Variants in SLC45A4 observed in about 807,000 individuals in gnomAD.
SLC45A4 encodes solute carrier family 45 member 4.
Under a neutral mutation model 63.7 loss-of-function variants are expected in SLC45A4, and 32 were observed. The observed-to-expected ratio is 0.50, with a 90% CI of 0.38 to 0.67. The LOEUF (loss-of-function observed/expected upper bound fraction) is 0.67. SLC45A4 is among the 30% of genes least tolerant of loss of function. The pLI, the probability that SLC45A4 is intolerant of heterozygous loss-of-function variation, is 0.00. For synonymous variants in SLC45A4, 535 were observed against 510.0 expected (o/e 1.05, Z -0.66); for missense variants, 1,027 against 1,157.7 (o/e 0.89, Z 1.64).
chr8:141,287,707 G>C (rs966822305), intron 1 of SLC45A4, among the ~76,000 whole-genome samples: 1 of 152,242 alleles, frequency 6.6e-6, no homozygotes, highest in African/African-American at 2.4e-5. Flanking sequence ...CCCCGTTCAA[G>C]AGCTGCCAAG....
intron 1 of SLC45A4, among the ~76,000 whole-genome samples, chr8:141,273,285 T>A (rs1360741993): frequency 6.6e-6 from 1 of 152,206 alleles, no homozygotes; most frequent in African/African-American, 2.4e-5. Context: ...TTCCAAATGC[T>A]CAAGCACTGA....
chr8:141,238,883 C>T (rs1314329565), intron 2 of SLC45A4, among the ~76,000 whole-genome samples: 1 of 152,170 alleles, frequency 6.6e-6, no homozygotes, highest in East Asian at 1.9e-4. Flanking sequence ...CCATGAAAGC[C>T]CAGACTGTGG....
At chr8:141,294,906 G>A (rs898681817) in intron 1 of SLC45A4, among the ~76,000 whole-genome samples, 4 of 152,228 alleles carry the variant, frequency 2.6e-5, no homozygotes, top group African/African-American at 9.6e-5. Flanking sequence ...GCACTCCCAA[G>A]TGGCAGCCTC....
chr8:141,245,872 G>A (rs181163623), intron 2 of SLC45A4, among the ~76,000 whole-genome samples: 7 of 152,304 alleles, frequency 4.6e-5, no homozygotes, highest in African/African-American at 1.7e-4. Context: ...TTAGGAAACT[G>A]CCATCAAGGG....
At chr8:141,259,652 C>G (rs1341104653) in intron 1 of SLC45A4, among the ~76,000 whole-genome samples, 1 of 152,148 alleles carries the variant, frequency 6.6e-6, no homozygotes, top group African/African-American at 2.4e-5. Context: ...CCCCATCTTG[C>G]ACAAAGGATT....
intron 2 of SLC45A4, among the ~76,000 whole-genome samples, chr8:141,238,007 GCA>G (rs1827715189): frequency 6.6e-6 from 1 of 152,220 alleles, no homozygotes; most frequent in South Asian, 2.1e-4. Context: ...AAACATCCTT[GCA>G]CAAGAAGTTT....
intron 1 of SLC45A4, among the ~76,000 whole-genome samples, chr8:141,257,547 C>T (rs1828851149): frequency 6.6e-6 from 1 of 152,244 alleles, no homozygotes; most frequent in Admixed American, 6.5e-5. Context: ...TCCTCGGAGA[C>T]TTGTGCCTGA....
At chr8:141,272,794 C>G (rs1207988147) in intron 1 of SLC45A4, among the ~76,000 whole-genome samples, 1 of 152,278 alleles carries the variant, frequency 6.6e-6, no homozygotes, top group African/African-American at 2.4e-5. Flanking sequence ...AGCTCTCCCC[C>G]TTCCCTCCAC....
chr8:141,218,964 A>C lies in SLC45A4; in HGVS notation c.676T>G (p.Trp226Gly), dbSNP rs1826399533. The C allele has an allele frequency of 6.2e-7, 1 of 1,613,478 alleles. No homozygotes were observed. Among genetic ancestry groups the C allele is most frequent in the South Asian group, 1.1e-5 (1 of 91,090 alleles). Residue 226 changes from tryptophan to glycine, a missense_variant, in exon 5 of 9, where the codon TGG becomes GGG. Physicochemically the swap from Trp to Gly is radical, Grantham distance 184. Coordinates refer to ENST00000517878, the MANE Select transcript of SLC45A4 (RefSeq NM_001286646.2). ...AGCACCTGGTTCTGGGTCCGGAACC[A>C]GCTGCCCAGGAAGGTCTGGGTCCAG... ...LDWTQTFLGS[W>G]FRTQNQVLFF... is the part of the protein sequence containing the mutation.
rs115846293 is a variant in SLC45A4 at position 141,231,602 on chromosome 8, C to T, written c.242-9837G>A. ...CACTGCGGGACCCACACCGAGTGGT[C>T]GGGTCACCTGGCCACCTGGCATCTT... On this transcript the variant is annotated intron_variant, in intron 2 of 8. Coordinates refer to ENST00000517878, the MANE Select transcript of SLC45A4 (RefSeq NM_001286646.2). 3.7e-3 allele frequency among the ~76,000 whole-genome samples: 558 copies of T among 152,292 alleles called. 6 individuals carry two copies. Among genetic ancestry groups the T allele is most frequent in the African/African-American group, 0.013 (521 of 41,580 alleles).
At chr8:141,228,290 T>C in intron 2 of SLC45A4, 1 of 1,611,058 alleles carries the variant, frequency 6.2e-7, no homozygotes, top group Non-Finnish European at 8.5e-7. Context: ...CCTGCCGCCC[T>C]GTGCCAGGCA....
In SLC45A4 at chr8:141,261,927, G is replaced by T. The variant is rs1829054292; in HGVS notation, c.-400-7298C>A. ...GCCTGCATCGCATCCTAAGCCAAAA[G>T]AACAAAGCTGGAGGCATCACGCTAC... On this transcript the variant is annotated intron_variant, in intron 1 of 8. Transcript: ENST00000517878. Among the ~76,000 whole-genome samples the T allele has an allele frequency of 2.6e-5, 4 of 152,292 alleles. No individual in the cohort carries two copies. The South Asian group carries it at 6.2e-4, about 24-fold the overall frequency.
chr8:141,218,243 C>T lies in SLC45A4; in HGVS notation c.1397G>A (p.Arg466Gln), dbSNP rs769119550. The T allele has an allele frequency of 1.8e-5, 29 of 1,601,812 alleles. No homozygotes were observed. The highest frequency in any genetic ancestry group is 1.1e-4 in the African/African-American group (8 of 74,922). The change falls in exon 5 of 9, where the codon CGG becomes CAG. Residue 466 changes from arginine (R) to glutamine (Q), a missense_variant. By Grantham distance (43) the Arg-to-Gln change is conservative. Transcript: ENST00000517878. ...SDLYDMQKRQ[R>Q]QHRHRNQSGA... ...GCTCTGGTTCCGGTGCCGGTGCTGC[C>T]GCTGCCGCTTCTGCATGTCGTACAG...
At chr8:141,221,168 C>A (rs763555340) in intron 3 of SLC45A4, among the ~76,000 whole-genome samples, 1 of 152,272 alleles carries the variant, frequency 6.6e-6, no homozygotes, top group Non-Finnish European at 1.5e-5. Context: ...TATTTTCCCA[C>A]ACAGAGTTGC....
At chr8:141,300,411 G>T (rs760055685) in intron 1 of SLC45A4, among the ~76,000 whole-genome samples, 2 of 152,318 alleles carry the variant, frequency 1.3e-5, no homozygotes, top group Middle Eastern at 3.4e-3. Context: ...TAGGTCTAAA[G>T]GCTAAAAATA....
At chr8:141,301,314 T>C (rs1830735899) in intron 1 of SLC45A4, among the ~76,000 whole-genome samples, 1 of 152,242 alleles carries the variant, frequency 6.6e-6, no homozygotes, top group South Asian at 2.1e-4. Flanking sequence ...AGATCAATGA[T>C]ATTTATGTTT....
At chr8:141,284,162 C>T (rs1015641475) in intron 1 of SLC45A4, among the ~76,000 whole-genome samples, 3 of 152,236 alleles carry the variant, frequency 2.0e-5, no homozygotes, top group African/African-American at 7.2e-5. Flanking sequence ...CAACTGTCCA[C>T]CTAGATCAAT....
intron 1 of SLC45A4, among the ~76,000 whole-genome samples, chr8:141,280,275 C>T (rs1024916345): frequency 6.6e-6 from 1 of 152,172 alleles, no homozygotes; most frequent in Non-Finnish European, 1.5e-5. Context: ...GGCGGGACTG[C>T]GACTCTGTCT....
intron 2 of SLC45A4, among the ~76,000 whole-genome samples, chr8:141,241,055 T>C (rs1252781748): frequency 1.3e-5 from 2 of 152,272 alleles, no homozygotes; most frequent in Non-Finnish European, 1.5e-5. Context: ...GGCACCGGTT[T>C]GTGGGTGTGC....
Sources: gnomAD v4.1 joint callset for allele counts (sites outside exome capture counted in the v4.1 genomes callset) on GRCh38, gnomAD v4.1.1 for gene constraint, MANE v1.5 for transcripts, NCBI Gene and HGNC (gene_info 2026-07-23, HGNC 2026-07-21) for gene names.